RBP4: variants seen among roughly 807,000 people sequenced by gnomAD.
RBP4 encodes retinol-binding protein 4.
RBP4 carries 9 observed loss-of-function variants against 26.2 expected under a neutral mutation model. That is an observed-to-expected ratio of 0.34 (90% confidence interval 0.21 to 0.60). The LOEUF (loss-of-function observed/expected upper bound fraction) is 0.60. Ranked by LOEUF, RBP4 falls within the 20% of genes least tolerant of loss-of-function variation. The pLI is 0.80. For synonymous variants in RBP4, 114 were observed against 111.0 expected (o/e 1.03, Z -0.17); for missense variants, 244 against 271.3 (o/e 0.90, Z 0.71).
chr10:93,601,735 T>C (rs1289080637), upstream of RBP4: 2 of 776,706 alleles, frequency 2.6e-6, no homozygotes, highest in East Asian at 4.9e-5. Context: ...TTTTTCATTT[T>C]ATAAAGGATG....
Position 93,600,454 on chromosome 10 carries a change from G to A in RBP4, c.294C>T (p.Thr98=), listed in dbSNP as rs779153292. The A allele has an allele frequency of 1.2e-6, 2 of 1,614,130 alleles. No individual in the cohort carries two copies. Among genetic ancestry groups the A allele is most frequent in the Middle Eastern group, 1.6e-4 (1 of 6,062 alleles). ...TCATCTTGAACTTGGCAGGGTCCTCGGTGTCTGTGAAGGTGCCCACCATGT... is the reference window on the plus strand; with the variant it reads ...TCATCTTGAACTTGGCAGGGTCCTCAGTGTCTGTGAAGGTGCCCACCATGT... ...CADMVGTFTD[T]EDPAKFKMKY... The change falls in exon 4 of 6, where the codon ACC becomes ACT. Residue 98 remains threonine, a synonymous_variant. Transcript: ENST00000371464.
intron 5 of RBP4, 136 bp downstream of exon 5, chr10:93,593,687 G>T: frequency 3.1e-6 from 3 of 964,742 alleles, no homozygotes; most frequent in Non-Finnish European, 4.8e-6. Context: ...TCTGGATTTG[G>T]CCTCAGAAAG....
intron 5 of RBP4, among the ~76,000 whole-genome samples, chr10:93,592,745 G>T (rs973516222): frequency 6.6e-6 from 1 of 152,074 alleles, no homozygotes; most frequent in Non-Finnish European, 1.5e-5. Context: ...TTTGATTTTG[G>T]TCTAAGTTCC....
At chr10:93,593,414 C>T (rs1445699942) in intron 5 of RBP4, among the ~76,000 whole-genome samples, 3 of 152,252 alleles carry the variant, frequency 2.0e-5, no homozygotes, top group East Asian at 1.9e-4. Context: ...TACATTGATG[C>T]CCCCTGTGGA....
At chr10:93,600,871 A>C in intron 2 of RBP4, 47 bp downstream of exon 2, 5 of 548,438 alleles carry the variant, frequency 9.1e-6, no homozygotes, top group African/African-American at 2.1e-5. Flanking sequence ...GAGGGCGGGG[A>C]TGGGGTGGGG....
intron 4 of RBP4, among the ~76,000 whole-genome samples, chr10:93,594,613 T>C (rs529209758): frequency 2.6e-5 from 4 of 152,318 alleles, no homozygotes; most frequent in Admixed American, 2.6e-4. Flanking sequence ...TGCTACTCAC[T>C]TCTTTGTGCC....
rs1185881326 is a variant in RBP4, at chr10:93,600,481, T to A, written c.267A>T (p.Ala89=). 1 of 1,614,104 alleles carries A rather than the reference T, an allele frequency of 6.2e-7. No homozygotes were observed. The change falls in exon 4 of 6, where the codon GCA becomes GCT. Residue 89 remains alanine, a synonymous_variant. Coordinates refer to ENST00000371464, the MANE Select transcript of RBP4 (RefSeq NM_006744.4). The part of the protein sequence containing the change: ...VRLLNNWDVC[A]DMVGTFTDTE... ...TGTCTGTGAAGGTGCCCACCATGTC[T>A]GCGCACACGTCCCAGTTACTGCAAA...
intron 4 of RBP4, among the ~76,000 whole-genome samples, chr10:93,595,081 A>C (rs555682754): frequency 4.7e-4 from 71 of 152,260 alleles, no homozygotes; most frequent in African/African-American, 1.6e-3. Context: ...TCAAGGCTAC[A>C]ATGAGCTAGG....
At chr10:93,596,206 T>TC (rs2134570407) in intron 4 of RBP4, among the ~76,000 whole-genome samples, 1 of 152,128 alleles carries the variant, frequency 6.6e-6, no homozygotes, top group South Asian at 2.1e-4. Context: ...CTTAACTTTT[T>TC]TTTTTTTTTT....
At position 93,600,813 on chromosome 10, in the gene RBP4, G is replaced by T. The variant is rs1316162165; in HGVS notation, c.112-10C>A. The T allele has an allele frequency of 6.2e-7, 1 of 1,609,134 alleles. No individual in the cohort carries two copies. On this transcript the variant is annotated splice_polypyrimidine_tract_variant and intron_variant, in intron 2 of 5. Coordinates refer to ENST00000371464, the MANE Select transcript of RBP4 (RefSeq NM_006744.4). The stretch of plus-strand genomic sequence containing the variant: ...ACCAGGTCCCAGAGAACTGTGAGAA[G>T]GATGACAGCAGGGGTTTGGCGTCCG...
chr10:93,599,907 T>G (rs1053773587), intron 4 of RBP4, among the ~76,000 whole-genome samples: 1 of 152,120 alleles, frequency 6.6e-6, no homozygotes, highest in Non-Finnish European at 1.5e-5. Flanking sequence ...TGGCTCAGAA[T>G]CTCAGCATCA....
chr10:93,595,673 G>T (rs11187543), intron 4 of RBP4, among the ~76,000 whole-genome samples: 13,258 of 152,286 alleles, frequency 0.087, 722 homozygotes, highest in African/African-American at 0.12. Flanking sequence ...GCGTTAGAGG[G>T]TGTAAGGCCA....
intron 4 of RBP4, among the ~76,000 whole-genome samples, chr10:93,597,538 C>G (rs1309363326): frequency 6.6e-6 from 1 of 152,126 alleles, no homozygotes; most frequent in Admixed American, 6.5e-5. Context: ...CAACCAAGAC[C>G]TGCTGATGGT....
intron 4 of RBP4, among the ~76,000 whole-genome samples, chr10:93,597,394 T>G (rs1246302226): frequency 6.6e-6 from 1 of 152,242 alleles, no homozygotes; most frequent in African/African-American, 2.4e-5. Context: ...TATTGAGCAC[T>G]TACTATGCAC....
At chr10:93,601,434 G>A (rs763598639), upstream of RBP4, 5 of 1,210,808 alleles carry the variant, frequency 4.1e-6, no homozygotes, top group Admixed American at 3.3e-5. Flanking sequence ...CAGTGGAGCG[G>A]CCGCGCGGGG....
Position 93,592,058 on chromosome 10 carries a change from C to T in RBP4, c.*17G>A. On this transcript the variant is annotated 3_prime_UTR_variant, in exon 6 of 6. Coordinates refer to ENST00000371464, the MANE Select transcript of RBP4 (RefSeq NM_006744.4). ...GCTAATCAGAAGTTCTCAGATGAAA[C>T]TAGATTCTTGATATTGCTACAAAAG... 6.2e-7 allele frequency: 1 copy of T among 1,608,930 alleles called. No individual in the cohort carries two copies. Among genetic ancestry groups the T allele is most frequent in the Non-Finnish European group, 8.5e-7 (1 of 1,175,326 alleles).
At chr10:93,594,802 G>A (rs1355032249) in intron 4 of RBP4, among the ~76,000 whole-genome samples, 1 of 152,178 alleles carries the variant, frequency 6.6e-6, no homozygotes, top group Non-Finnish European at 1.5e-5. Flanking sequence ...AAATGAAAGT[G>A]GTAAAAATAT....
At chr10:93,599,700 T>A (rs987656476) in intron 4 of RBP4, among the ~76,000 whole-genome samples, 1 of 152,168 alleles carries the variant, frequency 6.6e-6, no homozygotes, top group Non-Finnish European at 1.5e-5. Flanking sequence ...ATTCTCTAGC[T>A]ACCAAGTAGA....
Position 93,591,965 on chromosome 10 carries a change from G to C in RBP4, c.*110C>G. On this transcript the variant is annotated 3_prime_UTR_variant, in exon 6 of 6. Transcript: ENST00000371464. ...TTTATGTGTAATGAAGGTTTTATGG[G>C]AACTGAGGGAAGATGGGGAGAGAAG... 2.2e-6 allele frequency: 2 copies of C among 922,764 alleles called. No individual in the cohort carries two copies. The highest frequency in any genetic ancestry group is 1.3e-5 in the South Asian group (1 of 75,100). 57.2% of individuals were successfully genotyped at this position (922,764 alleles called of 1,614,324 possible). A position where few individuals can be genotyped will look rare whatever the true frequency, so the allele number is the denominator to read the frequency against.
Sources: allele counts gnomAD v4.1 joint callset (sites outside exome capture counted in the v4.1 genomes callset), GRCh38; gene constraint gnomAD v4.1.1; transcripts MANE v1.5; gene names NCBI Gene and HGNC (gene_info 2026-07-23, HGNC 2026-07-21).